RAPGEF2: variants seen among roughly 807,000 people sequenced by gnomAD.
The protein encoded by RAPGEF2 is Rap guanine nucleotide exchange factor 2, also known as PDZ domain containing guanine nucleotide exchange factor (GEF) 1.
In RAPGEF2, 54 loss-of-function variants were observed where a neutral mutation model predicts 186.7. The ratio of observed to expected loss-of-function variants is 0.29; its 90% CI spans 0.23 to 0.36. The LOEUF is 0.36. Among genes scored for constraint, RAPGEF2 ranks in the 10% least tolerant of loss-of-function variants. The probability of loss-of-function intolerance (pLI) is 1.00; values close to 1 mark genes in which losing one functional copy is unlikely to be tolerated. For missense variants in RAPGEF2, 1,532 were observed against 2,045.0 expected (o/e 0.75, Z 4.84); for synonymous variants, 712 against 705.9 (o/e 1.01, Z -0.14).
intron 4 of RAPGEF2, among the ~76,000 whole-genome samples, chr4:159,225,255 G>A (rs747079789): frequency 3.9e-5 from 6 of 152,110 alleles, no homozygotes; most frequent in African/African-American, 7.2e-5. Context: ...TTGCTGTACC[G>A]CCCAACCCAG....
intron 3 of RAPGEF2, among the ~76,000 whole-genome samples, chr4:159,197,780 C>G (rs1031875314): frequency 2.0e-5 from 3 of 152,318 alleles, no homozygotes; most frequent in East Asian, 3.9e-4. Flanking sequence ...TCGCTGTCCC[C>G]TTTCCTTTCT....
chr4:159,345,721 G>C (rs1356597346), intron 24 of RAPGEF2, among the ~76,000 whole-genome samples: 1 of 152,192 alleles, frequency 6.6e-6, no homozygotes, highest in African/African-American at 2.4e-5. Flanking sequence ...GGGTGTGCTG[G>C]CTGCCTTTTA....
intron 1 of RAPGEF2, among the ~76,000 whole-genome samples, chr4:159,181,460 T>A (rs2111277435): frequency 6.6e-6 from 1 of 152,314 alleles, no homozygotes; most frequent in South Asian, 2.1e-4. Flanking sequence ...AAAATCAGTT[T>A]TAGGCCTTGG....
chr4:159,312,260 T>C (rs538217741), intron 8 of RAPGEF2, among the ~76,000 whole-genome samples: 32 of 152,296 alleles, frequency 2.1e-4, no homozygotes, highest in African/African-American at 6.3e-4. Context: ...TATGCTAATA[T>C]TAAAGAATGT....
At chr4:159,190,646 C>A (rs1184544244) in intron 2 of RAPGEF2, among the ~76,000 whole-genome samples, 11 of 152,274 alleles carry the variant, frequency 7.2e-5, no homozygotes, top group African/African-American at 2.6e-4. Flanking sequence ...AGAAAACTTA[C>A]AATCATGGCA....
chr4:159,323,120 C>G (rs756428703), intron 10 of RAPGEF2, among the ~76,000 whole-genome samples: 1 of 152,078 alleles, frequency 6.6e-6, no homozygotes, highest in Non-Finnish European at 1.5e-5. Context: ...TTTTGTCAGA[C>G]AAAATGATAT....
At chr4:159,154,458 G>C (rs1038539435) in intron 1 of RAPGEF2, among the ~76,000 whole-genome samples, 3 of 150,502 alleles carry the variant, frequency 2.0e-5, no homozygotes, top group African/African-American at 7.4e-5. Context: ...ACTGAACTCA[G>C]ATTACAAACA....
intron 9 of RAPGEF2, among the ~76,000 whole-genome samples, chr4:159,316,123 CT>C (rs1764568723): frequency 6.6e-6 from 1 of 152,208 alleles, no homozygotes; most frequent in Non-Finnish European, 1.5e-5. Flanking sequence ...CCAAGGAGCC[CT>C]CTGGTGGCCC....
chr4:159,353,000 AT>A, intron 27 of RAPGEF2, 90 bp downstream of exon 27: 1 of 1,190,834 alleles, frequency 8.4e-7, no homozygotes. Context: ...GTTTTTATTT[AT>A]TTTACATAAT....
intron 3 of RAPGEF2, among the ~76,000 whole-genome samples, chr4:159,197,112 A>G (rs1748728902): frequency 6.6e-6 from 1 of 152,214 alleles, no homozygotes; most frequent in Non-Finnish European, 1.5e-5. Context: ...GAGGGACCTT[A>G]ACTTATATTT....
rs545909860 is a variant in RAPGEF2, at chr4:159,163,153, A to G, written c.70-23489A>G. ...TATTTATCCTTACCAAAAGATGGGC[A>G]TGCTTGAAGTAAATGGTTCAATTAT... On this transcript the variant is annotated intron_variant, in intron 1 of 29. Coordinates refer to ENST00000691494, the MANE Select transcript of RAPGEF2 (RefSeq NM_001394067.2). Among the ~76,000 whole-genome samples, 359 of 152,318 alleles carry G rather than the reference A, an allele frequency of 2.4e-3. 1 individual carries two copies. Among genetic ancestry groups the G allele is most frequent in the Non-Finnish European group, 2.8e-3 (193 of 68,028 alleles).
At chr4:159,242,677 A>G (rs1754152168) in intron 6 of RAPGEF2, among the ~76,000 whole-genome samples, 1 of 150,362 alleles carries the variant, frequency 6.7e-6, no homozygotes, top group East Asian at 1.9e-4. Flanking sequence ...AGAGACTAGT[A>G]TTAAAAAAAC....
At chr4:159,323,841 C>G (rs909580417) in intron 11 of RAPGEF2, among the ~76,000 whole-genome samples, 11 of 151,382 alleles carry the variant, frequency 7.3e-5, no homozygotes, top group Non-Finnish European at 1.5e-5. Context: ...GCCTCAGCCT[C>G]CCAAGTAGCT....
intron 7 of RAPGEF2, among the ~76,000 whole-genome samples, chr4:159,288,363 A>G (rs1760770235): frequency 6.6e-6 from 1 of 152,226 alleles, no homozygotes. Flanking sequence ...TGCTTCCAGC[A>G]TATCAAATTT....
In RAPGEF2 at chr4:159,104,530, GAGAC is replaced by G. The variant is rs1560964874; in HGVS notation, c.69+303_69+306del. 1.2e-3 allele frequency among the ~76,000 whole-genome samples: 147 copies of G among 121,476 alleles called. 4 individuals are homozygous for G. Among genetic ancestry groups the G allele is most frequent in the Admixed American group, 2.8e-3 (33 of 11,922 alleles). 79.7% of individuals were successfully genotyped at this position (121,476 alleles called of 152,430 possible). On this transcript the variant is annotated intron_variant, in intron 1 of 29. Transcript: ENST00000691494. ...AGAGAGAGAGAGAGAGAGAGAGGGA[GAGAC>G]AGAGAGAGAGAGAGAGAGAGTGTGT...
chr4:159,319,417 C>T (rs1012039630), intron 9 of RAPGEF2, among the ~76,000 whole-genome samples: 6 of 151,668 alleles, frequency 4.0e-5, no homozygotes, highest in African/African-American at 1.2e-4. Flanking sequence ...CAAAACTATC[C>T]CCCCGCACCC....
chr4:159,144,367 G>A (rs1742672357), intron 1 of RAPGEF2, among the ~76,000 whole-genome samples: 1 of 152,088 alleles, frequency 6.6e-6, no homozygotes, highest in Non-Finnish European at 1.5e-5. Flanking sequence ...AGTAACAGAC[G>A]TTTAGATGTG....
At chr4:159,254,023 G>T (rs1326111089) in intron 7 of RAPGEF2, among the ~76,000 whole-genome samples, 1 of 152,220 alleles carries the variant, frequency 6.6e-6, no homozygotes, top group Non-Finnish European at 1.5e-5. Context: ...TTTTCCTTGA[G>T]ACAACCATTG....
At chr4:159,331,888 T>C (rs763573377) in intron 15 of RAPGEF2, 38 bp from the exon 16 acceptor site, 28 of 1,589,880 alleles carry the variant, frequency 1.8e-5, no homozygotes, top group Non-Finnish European at 2.4e-5. Flanking sequence ...GTTTTTTTTT[T>C]CAGTCAATTT....
Sources: gnomAD v4.1 joint callset for allele counts (sites outside exome capture counted in the v4.1 genomes callset) on GRCh38, gnomAD v4.1.1 for gene constraint, MANE v1.5 for transcripts, NCBI Gene and HGNC (gene_info 2026-07-23, HGNC 2026-07-21) for gene names.